The following ZNF782 variants were observed in gnomAD, a reference collection of about 807,000 sequenced individuals.
The protein encoded by ZNF782 is zinc finger protein 782.
In ZNF782, 12 loss-of-function variants were observed where a neutral mutation model predicts 13.0. That is an observed-to-expected ratio of 0.92 (90% CI 0.59 to 1.50). The LOEUF (loss-of-function observed/expected upper bound fraction) is 1.50, where lower values mean the gene tolerates loss of function less well. Among genes scored for constraint, ZNF782 ranks in the 40% most tolerant of loss-of-function variants. The pLI is 0.00. For missense variants in ZNF782, 770 were observed against 822.9 expected (o/e 0.94, Z 0.79); for synonymous variants, 284 against 283.0 (o/e 1.00, Z -0.04).
chr9:96,856,684 GT>G (rs138939722), upstream of ZNF782, among the ~76,000 whole-genome samples: 1,213 of 152,364 alleles, frequency 8.0e-3, 20 homozygotes, highest in African/African-American at 0.027. Context: ...GGTTTGCCCA[GT>G]TCTTTGTAGG....
chr9:96,820,559 CTTTTT>C (rs1196759479), intron 5 of ZNF782, among the ~76,000 whole-genome samples: 13 of 88,540 alleles, frequency 1.5e-4, no homozygotes, highest in Admixed American at 1.2e-4. Flanking sequence ...TTTTTTTTTT[CTTTTT>C]TTTGAGATAG....
the ZNF782 span, among the ~76,000 whole-genome samples, chr9:96,881,082 CT>C: frequency 1.3e-5 from 2 of 152,022 alleles, no homozygotes; most frequent in Admixed American, 1.3e-4. Context: ...ACTTATTAAG[CT>C]TTTAATGTCT....
chr9:96,836,360 A>G (rs1193224716), intron 4 of ZNF782, among the ~76,000 whole-genome samples: 1 of 152,018 alleles, frequency 6.6e-6, no homozygotes, highest in Non-Finnish European at 1.5e-5. Context: ...CTATAGGCGC[A>G]TGCCACATCT....
At chr9:96,890,817 A>G in the ZNF782 span, 1 of 152,240 alleles carries the variant, frequency 6.6e-6, no homozygotes, top group Non-Finnish European at 1.5e-5. Flanking sequence ...AATTCCACTC[A>G]GATATTTGTA....
chr9:96,914,125 GTTATT>G, the ZNF782 span, among the ~76,000 whole-genome samples: 1 of 151,278 alleles, frequency 6.6e-6, no homozygotes, highest in South Asian at 2.1e-4. Context: ...CTTCACTTAT[GTTATT>G]TTATTTTCCA....
the ZNF782 span, chr9:96,931,846 G>A: frequency 2.5e-6 from 4 of 1,612,390 alleles, no homozygotes; most frequent in Non-Finnish European, 3.4e-6. Context: ...TGACTGCAGT[G>A]GTTCCTCCAG....
chr9:96,911,551 C>T, the ZNF782 span, among the ~76,000 whole-genome samples: 5 of 126,392 alleles, frequency 4.0e-5, no homozygotes, highest in East Asian at 6.6e-4. Flanking sequence ...GAGTTAGTCT[C>T]GCTCTTTCTC....
intron 3 of ZNF782, 48 bp from the exon 4 acceptor site, chr9:96,845,064 A>T: frequency 1.2e-6 from 2 of 1,606,108 alleles, no homozygotes; most frequent in Non-Finnish European, 1.7e-6. Flanking sequence ...AATCAAGGAA[A>T]GGAAAACGTT....
intron 4 of ZNF782, among the ~76,000 whole-genome samples, chr9:96,837,909 A>G (rs552287114): frequency 6.6e-6 from 1 of 152,238 alleles, no homozygotes; most frequent in Admixed American, 6.5e-5. Context: ...ATTTTTTTGT[A>G]GAGACAGAAT....
At chr9:96,841,472 T>C (rs1220498859) in intron 4 of ZNF782, among the ~76,000 whole-genome samples, 1 of 151,844 alleles carries the variant, frequency 6.6e-6, no homozygotes, top group African/African-American at 2.4e-5. Flanking sequence ...GCAAAACTAC[T>C]TAACAAAATA....
At chr9:96,881,691 C>G in the ZNF782 span, among the ~76,000 whole-genome samples, 2 of 152,052 alleles carry the variant, frequency 1.3e-5, no homozygotes, top group Non-Finnish European at 2.9e-5. Flanking sequence ...GCTGAGGTAT[C>G]TTGGCACCTC....
At chr9:96,837,186 T>G (rs1241472222) in intron 4 of ZNF782, among the ~76,000 whole-genome samples, 1 of 152,192 alleles carries the variant, frequency 6.6e-6, no homozygotes, top group Non-Finnish European at 1.5e-5. Context: ...TCAACCATTT[T>G]CCCAAGGAAT....
chr9:96,913,617 C>A, the ZNF782 span, among the ~76,000 whole-genome samples: 1 of 150,648 alleles, frequency 6.6e-6, no homozygotes, highest in Non-Finnish European at 1.5e-5. Flanking sequence ...TCCACCCCCG[C>A]AATTCAAGCA....
At chr9:96,848,555 T>C (rs1393521363) in intron 3 of ZNF782, among the ~76,000 whole-genome samples, 1 of 152,008 alleles carries the variant, frequency 6.6e-6, no homozygotes, top group Non-Finnish European at 1.5e-5. Context: ...TCAATTTCTT[T>C]TACAACAGCT....
chr9:96,836,212 C>CTTTTTT (rs1163521968), intron 4 of ZNF782, among the ~76,000 whole-genome samples: 1 of 137,212 alleles, frequency 7.3e-6, no homozygotes, highest in Non-Finnish European at 1.6e-5. Context: ...AAGTAAAAAA[C>CTTTTTT]TTTTTTTTTT....
chr9:96,819,629 T>C lies in ZNF782; in HGVS notation c.394A>G (p.Arg132Gly). The change falls in exon 6 of 6, where the codon AGA (arginine) becomes GGA (glycine). Residue 132 changes from arginine (R) to glycine (G), a missense_variant. Arg to Gly is a moderately radical substitution (Grantham distance 125). Transcript: ENST00000481138. Reference protein sequence around the residue: ...HNRDINIFRARMMPCKCDIAG... With the variant: ...HNRDINIFRAGMMPCKCDIAG... ...ATGTCACATTTACAAGGCATCATTC[T>C]TGCACGAAAAATGTTTATGTCTCGA... 2 of 1,614,192 alleles carry C rather than the reference T, an allele frequency of 1.2e-6. No individual in the cohort carries two copies. The highest frequency in any genetic ancestry group is 1.7e-6 in the Non-Finnish European group (2 of 1,180,024).
intron 4 of ZNF782, among the ~76,000 whole-genome samples, 200 bp from the exon 5 acceptor site, chr9:96,827,381 G>A (rs868251923): frequency 3.3e-5 from 5 of 151,936 alleles, no homozygotes; most frequent in Middle Eastern, 6.8e-3. Flanking sequence ...TCAGGCTGAA[G>A]TGCAGTGGTG....
At chr9:96,873,420 C>T (rs1851852184) in intron 1 of ZNF782, among the ~76,000 whole-genome samples, 1 of 152,160 alleles carries the variant, frequency 6.6e-6, no homozygotes, top group African/African-American at 2.4e-5. Context: ...TAAGTCAGGG[C>T]CAGGTGTGGT....
At chr9:96,842,538 C>G (rs977627399) in intron 4 of ZNF782, among the ~76,000 whole-genome samples, 2 of 151,960 alleles carry the variant, frequency 1.3e-5, no homozygotes, top group Non-Finnish European at 1.5e-5. Context: ...AAAAAAAGAT[C>G]TCAACTTACA....
Sources: gnomAD v4.1 joint callset for allele counts (sites outside exome capture counted in the v4.1 genomes callset) on GRCh38, gnomAD v4.1.1 for gene constraint, MANE v1.5 for transcripts, NCBI Gene and HGNC (gene_info 2026-07-23, HGNC 2026-07-21) for gene names.